The following SUPT16H variants were observed in gnomAD, a reference collection of about 807,000 sequenced individuals.
SUPT16H encodes the protein FACT complex subunit SPT16.
SUPT16H carries 24 observed loss-of-function variants against 136.2 expected under a neutral mutation model. That is an observed-to-expected ratio of 0.18 (90% CI 0.13 to 0.25). SUPT16H has a LOEUF of 0.25. SUPT16H is among the 10% of genes least tolerant of loss of function. The probability of loss-of-function intolerance (pLI) is 1.00; values close to 1 mark genes in which losing one functional copy is unlikely to be tolerated. For missense variants in SUPT16H, 623 were observed against 1,270.2 expected, an observed-to-expected ratio of 0.49 and a Z score of 7.74; for synonymous variants, 415 against 428.2, an observed-to-expected ratio of 0.97 and a Z score of 0.38.
intron 1 of SUPT16H, chr14:21,383,097 T>TA (rs1486454872): frequency 2.6e-5 from 4 of 152,754 alleles, no homozygotes; most frequent in African/African-American, 9.6e-5. Flanking sequence ...TTTGCTCAAT[T>TA]AGTAAGTTAA....
chr14:21,358,957 A>C (rs1357843566), intron 19 of SUPT16H, among the ~76,000 whole-genome samples: 1 of 151,892 alleles, frequency 6.6e-6, no homozygotes, highest in African/African-American at 2.4e-5. Flanking sequence ...GGAGCCCGCC[A>C]CTACACCCGG....
intron 3 of SUPT16H, among the ~76,000 whole-genome samples, chr14:21,371,554 T>A (rs1327908217): frequency 6.6e-6 from 1 of 152,192 alleles, no homozygotes; most frequent in Non-Finnish European, 1.5e-5. Context: ...ATGATGTATA[T>A]CTAAGTTTCC....
At chr14:21,362,457 T>G in intron 14 of SUPT16H, 133 bp from the exon 15 acceptor site, 1 of 893,466 alleles carries the variant, frequency 1.1e-6, no homozygotes, top group Non-Finnish European at 1.6e-6. Context: ...TAAATTTACA[T>G]AATTTATCTT....
At chr14:21,363,562 C>A (rs1886602950) in intron 10 of SUPT16H, 59 bp from the exon 11 acceptor site, 1 of 1,468,412 alleles carries the variant, frequency 6.8e-7, no homozygotes, top group Non-Finnish European at 9.4e-7. Flanking sequence ...CATTTTCTAA[C>A]CTAGTAAACG....
At chr14:21,380,444 C>G (rs1381714351) in intron 1 of SUPT16H, among the ~76,000 whole-genome samples, 1 of 151,908 alleles carries the variant, frequency 6.6e-6, no homozygotes, top group Non-Finnish European at 1.5e-5. Flanking sequence ...TTTTTAAAAT[C>G]CTTCCTGAGC....
At chr14:21,382,491 G>C (rs55998125) in intron 1 of SUPT16H, among the ~76,000 whole-genome samples, 1 of 152,190 alleles carries the variant, frequency 6.6e-6, no homozygotes, top group Non-Finnish European at 1.5e-5. Flanking sequence ...GAATGGTATA[G>C]AGAGAATGAA....
At chr14:21,365,748 G>A (rs1886650845) in intron 8 of SUPT16H, among the ~76,000 whole-genome samples, 1 of 151,474 alleles carries the variant, frequency 6.6e-6, no homozygotes, top group Non-Finnish European at 1.5e-5. Context: ...AAATACACTG[G>A]ATTGAATAAA....
At chr14:21,353,932 A>G (rs1358063819) in intron 23 of SUPT16H, 100 bp from the exon 24 acceptor site, 16 of 1,155,316 alleles carry the variant, frequency 1.4e-5, no homozygotes, top group Non-Finnish European at 1.2e-6. Flanking sequence ...TTACATGAAG[A>G]AAACAAGAGC....
In SUPT16H at chr14:21,362,220, A is replaced by G. The variant is rs772477962; in HGVS notation, c.1770T>C (p.Pro590=). 8.1e-6 allele frequency: 13 copies of G among 1,611,846 alleles called. No homozygotes were observed. The highest frequency in any genetic ancestry group is 9.3e-6 in the Non-Finnish European group (11 of 1,179,778). Residue 590 remains proline (P), a synonymous_variant, in exon 15 of 26, where the codon CCT becomes CCC. Coordinates refer to ENST00000216297, the MANE Select transcript of SUPT16H (RefSeq NM_007192.4). The stretch of plus-strand genomic sequence containing the variant: ...ACATTTCCTTGACAAAAGTCGCTTC[A>G]GGGTTAGGAAAGATGTTGCCTTCAT... ...GRNEGNIFPN[P]EATFVKEITY... is the part of the protein sequence containing the mutation.
chr14:21,370,255 G>A (rs1211735014), intron 4 of SUPT16H, 81 bp downstream of exon 4: 63 of 1,506,826 alleles, frequency 4.2e-5, no homozygotes, highest in Non-Finnish European at 5.3e-5. Context: ...CAAAACAAAC[G>A]TCCTGCACTA....
chr14:21,359,353 C>T, intron 19 of SUPT16H, 131 bp downstream of exon 19: 2 of 1,339,678 alleles, frequency 1.5e-6, no homozygotes, highest in Non-Finnish European at 2.0e-6. Context: ...ATGTTGGCCT[C>T]CCAAAGTGCT....
rs1232018211 is a variant in SUPT16H at position 21,360,879 on chromosome 14, T to G, written c.2023A>C (p.Arg675=). The change falls in exon 17 of 26, where the codon AGG becomes CGG. Residue 675 remains arginine, a synonymous_variant. Coordinates refer to ENST00000216297, the MANE Select transcript of SUPT16H (RefSeq NM_007192.4). ...LYIRPNIAQK[R]MQGSLEAHVN... Reference sequence around the variant, plus strand: ...TGGGCCTCCAGTGAGCCTTGCATCCTCTTTTGGGCAATATTTGGGCGAATG... The same window carrying G: ...TGGGCCTCCAGTGAGCCTTGCATCCGCTTTTGGGCAATATTTGGGCGAATG... The G allele has an allele frequency of 6.2e-6, 10 of 1,614,084 alleles. No individual in the cohort carries two copies. Among genetic ancestry groups the G allele is most frequent in the Non-Finnish European group, 8.5e-6 (10 of 1,180,032 alleles).
Position 21,363,484 on chromosome 14 carries a change from A to G in SUPT16H, c.1253T>C (p.Leu418Pro). Residue 418 changes from leucine (L) to proline (P), a missense_variant, in exon 11 of 26, where the codon CTC becomes CCC. Transcript: ENST00000216297. ...LVDEDGPATV[L>P]TSVKKKVKNV... ...CTTCACTTTCTTCTTCACAGAAGTG[A>G]GAACAGTAGCTGGGCCATCCTAGAA... 6.2e-7 allele frequency: 1 copy of G among 1,613,632 alleles called. No homozygotes were observed. The highest frequency in any genetic ancestry group is 1.3e-5 in the African/African-American group (1 of 75,038).
intron 8 of SUPT16H, among the ~76,000 whole-genome samples, chr14:21,366,055 C>A (rs1226548497): frequency 1.3e-5 from 2 of 152,188 alleles, no homozygotes; most frequent in African/African-American, 4.8e-5. Flanking sequence ...TGAGGCACGA[C>A]TGCACCACTG....
intron 22 of SUPT16H, among the ~76,000 whole-genome samples, chr14:21,356,554 T>G (rs187398020): frequency 1.8e-3 from 269 of 152,226 alleles, no homozygotes; most frequent in African/African-American, 6.2e-3. Context: ...CTAACTTGAC[T>G]GCATCCTAGA....
intron 1 of SUPT16H, 124 bp downstream of exon 1, chr14:21,383,738 C>G (rs1194016413): frequency 4.4e-6 from 5 of 1,125,806 alleles, no homozygotes; most frequent in Non-Finnish European, 6.7e-6. Context: ...TCGGGAGCAA[C>G]GAAAAGGGTG....
chr14:21,363,461 T>C lies in SUPT16H; in HGVS notation c.1276A>G (p.Lys426Glu), dbSNP rs1886600063. Reference sequence around the variant, plus strand: ...ACCTTTAGGAAAATCCCCACATTCTTCACTTTCTTCTTCACAGAAGTGAGA... The same window carrying C: ...ACCTTTAGGAAAATCCCCACATTCTCCACTTTCTTCTTCACAGAAGTGAGA... The part of the protein sequence containing the change: ...TVLTSVKKKV[K>E]NVGIFLKNED... Residue 426 changes from lysine to glutamate, a missense_variant, in exon 11 of 26, where the codon AAG becomes GAG. Transcript: ENST00000216297. 2.5e-6 allele frequency: 4 copies of C among 1,613,968 alleles called. No homozygotes were observed. Among genetic ancestry groups the C allele is most frequent in the Non-Finnish European group, 3.4e-6 (4 of 1,179,936 alleles).
chr14:21,370,543 C>T (rs1566390895), intron 3 of SUPT16H, 55 bp from the exon 4 acceptor site: 9 of 1,570,478 alleles, frequency 5.7e-6, no homozygotes, highest in Middle Eastern at 1.7e-4. Flanking sequence ...TCATTAGACA[C>T]GTTTTACCAG....
intron 1 of SUPT16H, among the ~76,000 whole-genome samples, chr14:21,377,881 C>T (rs1453686236): frequency 1.3e-5 from 2 of 152,200 alleles, no homozygotes; most frequent in Non-Finnish European, 2.9e-5. Flanking sequence ...ACCTCGGCCT[C>T]CCAAAATGCT....
Sources: allele counts gnomAD v4.1 joint callset (sites outside exome capture counted in the v4.1 genomes callset), GRCh38; gene constraint gnomAD v4.1.1; transcripts MANE v1.5; gene names NCBI Gene and HGNC (gene_info 2026-07-23, HGNC 2026-07-21).